Variants in ZNF536 observed in about 807,000 individuals in gnomAD.
The protein encoded by ZNF536 is zinc finger protein 536.
Under a neutral mutation model 84.5 loss-of-function variants are expected in ZNF536, and 13 were observed. That is an observed-to-expected ratio of 0.15 (90% CI 0.10 to 0.24). The LOEUF is 0.24. Among genes scored for constraint, ZNF536 ranks in the 10% least tolerant of loss-of-function variants. The pLI is 1.00. For synonymous variants in ZNF536, 811 were observed against 742.5 expected, an observed-to-expected ratio of 1.09 and a Z score of -1.50; for missense variants, 1,536 against 1,747.5, an observed-to-expected ratio of 0.88 and a Z score of 2.16.
At chr19:30,230,762 C>T (rs547511368) in intron 1 of ZNF536, among the ~76,000 whole-genome samples, 4 of 152,270 alleles carry the variant, frequency 2.6e-5, no homozygotes, top group East Asian at 1.9e-4. Flanking sequence ...ATCAGCTCCA[C>T]GAGCCCATTC....
intron 1 of ZNF536, among the ~76,000 whole-genome samples, chr19:30,696,724 A>G (rs1041353512): frequency 6.6e-6 from 1 of 152,194 alleles, no homozygotes; most frequent in Admixed American, 6.5e-5. Context: ...GGCCCCAGGA[A>G]GAGTAGCCCT....
chr19:30,375,633 G>C (rs1479383591), intron 1 of ZNF536, among the ~76,000 whole-genome samples: 1 of 152,258 alleles, frequency 6.6e-6, no homozygotes, highest in African/African-American at 2.4e-5. Context: ...GTGTCCGCTT[G>C]TGCGCATATG....
At chr19:30,461,196 C>T (rs368278872) in intron 2 of ZNF536, among the ~76,000 whole-genome samples, 10 of 152,252 alleles carry the variant, frequency 6.6e-5, no homozygotes, top group African/African-American at 2.4e-4. Flanking sequence ...GTTGTGTAAA[C>T]TGAGGCATGG....
intron 2 of ZNF536, among the ~76,000 whole-genome samples, chr19:30,529,255 A>G (rs566015477): frequency 1.3e-5 from 2 of 152,346 alleles, no homozygotes; most frequent in African/African-American, 4.8e-5. Flanking sequence ...TATTATATAT[A>G]AATAAGGTTA....
chr19:30,450,262 C>T (rs1662131928), intron 2 of ZNF536, among the ~76,000 whole-genome samples: 1 of 152,106 alleles, frequency 6.6e-6, no homozygotes, highest in Non-Finnish European at 1.5e-5. Context: ...CAGCTGCTTC[C>T]TGCTGCAAAA....
Position 30,403,040 on chromosome 19 carries a change from A to C in ZNF536, c.-3+30484A>C, listed in dbSNP as rs137999523. Among the ~76,000 whole-genome samples the C allele has an allele frequency of 1.2e-3, 184 of 152,042 alleles. 1 individual carries two copies. The highest frequency in any genetic ancestry group is 4.2e-3 in the African/African-American group (174 of 41,500). ...CTGGCCCCCTGGTAGGAATGCCTGCAACTCTGGGCTTTCACATACAGAAGG... is the reference window on the plus strand; with the variant it reads ...CTGGCCCCCTGGTAGGAATGCCTGCCACTCTGGGCTTTCACATACAGAAGG... On this transcript the variant is annotated intron_variant, in intron 1 of 4. Coordinates refer to ENST00000355537, the MANE Select transcript of ZNF536 (RefSeq NM_014717.3).
chr19:30,458,109 G>A (rs1179114992), intron 2 of ZNF536, among the ~76,000 whole-genome samples: 14 of 152,268 alleles, frequency 9.2e-5, no homozygotes, highest in African/African-American at 1.9e-4. Context: ...GGCTGAGGGC[G>A]GAACGTCCCC....
At chr19:30,683,989 C>T (rs544750842) in intron 1 of ZNF536, among the ~76,000 whole-genome samples, 2 of 152,164 alleles carry the variant, frequency 1.3e-5, no homozygotes, top group Admixed American at 6.5e-5. Flanking sequence ...AGCTTGTAAC[C>T]GATCACTCAT....
At chr19:30,483,472 C>A (rs2054169435) in intron 2 of ZNF536, among the ~76,000 whole-genome samples, 1 of 144,766 alleles carries the variant, frequency 6.9e-6, no homozygotes, top group African/African-American at 2.6e-5. Flanking sequence ...GGTGAACAGA[C>A]CCCACCCCAC....
At chr19:30,257,576 C>G (rs1461898927) in intron 1 of ZNF536, among the ~76,000 whole-genome samples, 2 of 152,176 alleles carry the variant, frequency 1.3e-5, no homozygotes, top group Non-Finnish European at 2.9e-5. Flanking sequence ...ATAGTGAACT[C>G]CAGGATCCTG....
intron 1 of ZNF536, among the ~76,000 whole-genome samples, chr19:30,686,191 G>A (rs1352645787): frequency 6.6e-6 from 1 of 152,048 alleles, no homozygotes. Context: ...TTTTGGGAGT[G>A]TGAGCTGTCT....
At chr19:30,534,726 A>C in intron 2 of ZNF536, 121 bp from the exon 3 acceptor site, 2 of 1,011,688 alleles carry the variant, frequency 2.0e-6, no homozygotes, top group Non-Finnish European at 2.8e-6. Flanking sequence ...GTCAGATTTA[A>C]AGAATGAAAT....
chr19:30,609,954 C>T (rs1599991584), intron 1 of ZNF536, among the ~76,000 whole-genome samples: 1 of 150,618 alleles, frequency 6.6e-6, no homozygotes, highest in East Asian at 1.9e-4. Flanking sequence ...ATCCATCCAT[C>T]CATCCACTTA....
At chr19:30,550,444 T>G (rs1171958443) in intron 4 of ZNF536, among the ~76,000 whole-genome samples, 1 of 152,174 alleles carries the variant, frequency 6.6e-6, no homozygotes, top group Admixed American at 6.5e-5. Context: ...CATGCATTCT[T>G]CCCTTTGAAA....
At position 30,367,253 on chromosome 19, in the gene ZNF536, G is replaced by A. The variant is rs147169870; in HGVS notation, c.-3+14769G>A. ...CAGGGTTGGAGGGTGGGAGGGGAGC[G>A]TGCCGTGGTGAGGCCACCGCTGACA... On this transcript the variant is annotated intron_variant, in intron 3 of 5. Transcript: ENST00000585628. 5.3e-5 allele frequency among the ~76,000 whole-genome samples: 8 copies of A among 152,276 alleles called. No individual in the cohort carries two copies. In the East Asian group the frequency reaches 7.7e-4, roughly 15 times the overall value.
At chr19:30,328,257 C>A (rs1045482922) in intron 2 of ZNF536, among the ~76,000 whole-genome samples, 1 of 152,228 alleles carries the variant, frequency 6.6e-6, no homozygotes, top group Non-Finnish European at 1.5e-5. Context: ...CAGAGAAAGA[C>A]TTGGGCCTCC....
chr19:30,598,091 G>C (rs367599838), intron 1 of ZNF536, among the ~76,000 whole-genome samples: 6 of 152,272 alleles, frequency 3.9e-5, no homozygotes, highest in African/African-American at 1.2e-4. Flanking sequence ...GGCATGCATC[G>C]TGAATCCAGC....
chr19:30,451,749 A>C (rs1302724120), intron 2 of ZNF536, among the ~76,000 whole-genome samples: 1 of 152,164 alleles, frequency 6.6e-6, no homozygotes. Context: ...TGGGATGGAC[A>C]CCGCTGTTGC....
At chr19:30,283,230 C>G (rs1031453369) in intron 1 of ZNF536, among the ~76,000 whole-genome samples, 1 of 152,220 alleles carries the variant, frequency 6.6e-6, no homozygotes, top group Non-Finnish European at 1.5e-5. Flanking sequence ...TGCCCCATAA[C>G]ATCCCTTCCG....
Sources: allele counts gnomAD v4.1 joint callset (sites outside exome capture counted in the v4.1 genomes callset), GRCh38; gene constraint gnomAD v4.1.1; transcripts MANE v1.5; gene names NCBI Gene and HGNC (gene_info 2026-07-23, HGNC 2026-07-21).